Variants in SMAD2 observed in about 807,000 individuals in gnomAD.
SMAD2 encodes the protein MAD homolog 2.
In SMAD2, 8 loss-of-function variants were observed where a neutral mutation model predicts 64.4. The ratio of observed to expected loss-of-function variants is 0.12; its 90% confidence interval spans 0.07 to 0.22. SMAD2 has a LOEUF of 0.22. SMAD2 is among the 10% of genes least tolerant of loss of function. The probability of loss-of-function intolerance (pLI) is 1.00; values close to 1 mark genes in which losing one functional copy is unlikely to be tolerated. For missense variants in SMAD2, 289 were observed against 561.2 expected, an observed-to-expected ratio of 0.51 and a Z score of 4.90; for synonymous variants, 203 against 195.8, an observed-to-expected ratio of 1.04 and a Z score of -0.31.
chr18:47,893,441 GTTC>G (rs1042997040), intron 2 of SMAD2, among the ~76,000 whole-genome samples: 3 of 152,150 alleles, frequency 2.0e-5, no homozygotes, highest in Admixed American at 1.3e-4. Context: ...TTTGTTTCCC[GTTC>G]TTCATCAGCT....
Position 47,903,964 on chromosome 18 carries a change from C to CA in SMAD2, c.-53-7156dup, listed in dbSNP as rs1166970447. On this transcript the variant is annotated intron_variant, in intron 1 of 10. Coordinates refer to ENST00000262160, the MANE Select transcript of SMAD2 (RefSeq NM_005901.6). ...GAGAAAGATGAAAGACAATGGGGAACAAAAAAATGTATGAAGAGATAATGG... is the reference window on the plus strand; with the variant it reads ...GAGAAAGATGAAAGACAATGGGGAACAAAAAAAATGTATGAAGAGATAATGG... Among the ~76,000 whole-genome samples, 4 of 139,194 alleles carry CA rather than the reference C, an allele frequency of 2.9e-5. No homozygotes were observed. In the South Asian group the frequency reaches 6.9e-4, roughly 24 times the overall value. 91.3% of individuals were successfully genotyped at this position (139,194 alleles called of 152,430 possible). A position where few individuals can be genotyped will look rare whatever the true frequency, so the allele number is the denominator to read the frequency against.
At chr18:47,910,300 TA>T (rs2034078054) in intron 1 of SMAD2, among the ~76,000 whole-genome samples, 1 of 152,042 alleles carries the variant, frequency 6.6e-6, no homozygotes, top group African/African-American at 2.4e-5. Flanking sequence ...TCAGTGCTTC[TA>T]AACTAGCTCC....
rs34302955 is a variant in SMAD2, at chr18:47,866,316, C to CAAAAAA, written c.656-1189_656-1184dup. Among the ~76,000 whole-genome samples the CAAAAAA allele has an allele frequency of 7.8e-3, 326 of 42,044 alleles. 16 individuals carry two copies. Among genetic ancestry groups the CAAAAAA allele is most frequent in the African/African-American group, 0.03 (300 of 9,940 alleles). The allele number at this position is 42,044 out of a possible 152,430, so 27.6% of individuals were successfully genotyped here. A position where few individuals can be genotyped will look rare whatever the true frequency, so the allele number is the denominator to read the frequency against. ...GGGCAACAAGAGCAAAACACCGTCT[C>CAAAAAA]AAAAAAAAAAAAAAAAAAAAAAAAA... is the stretch of plus-strand genomic sequence containing the variant. On this transcript the variant is annotated intron_variant, in intron 5 of 10. Coordinates refer to ENST00000262160, the MANE Select transcript of SMAD2 (RefSeq NM_005901.6).
intron 1 of SMAD2, among the ~76,000 whole-genome samples, chr18:47,916,468 G>A (rs1219419304): frequency 6.6e-6 from 1 of 152,164 alleles, no homozygotes; most frequent in African/African-American, 2.4e-5. Context: ...CCAGGCTGGA[G>A]TGCAGTGGCA....
intron 2 of SMAD2, among the ~76,000 whole-genome samples, chr18:47,875,736 T>C (rs906537153): frequency 1.3e-5 from 2 of 152,072 alleles, no homozygotes; most frequent in Admixed American, 6.6e-5. Flanking sequence ...GTGAAAAAAA[T>C]GTGCATCTTA....
intron 2 of SMAD2, among the ~76,000 whole-genome samples, chr18:47,890,854 G>A (rs970485513): frequency 4.6e-5 from 7 of 152,160 alleles, no homozygotes; most frequent in Admixed American, 3.3e-4. Context: ...TACAGTTTGG[G>A]TTCAAAAAGA....
chr18:47,863,663 G>A (rs1053470923), intron 6 of SMAD2, among the ~76,000 whole-genome samples: 6 of 152,206 alleles, frequency 3.9e-5, no homozygotes, highest in Middle Eastern at 3.4e-3. Flanking sequence ...TTCCATTGCA[G>A]AAACATACCT....
At chr18:47,922,765 T>A (rs1318639406) in intron 1 of SMAD2, 1 of 152,178 alleles carries the variant, frequency 6.6e-6, no homozygotes, top group East Asian at 1.9e-4. Flanking sequence ...CTCAAAAAAA[T>A]TAAAATACAT....
At chr18:47,868,217 C>T in intron 5 of SMAD2, 106 bp downstream of exon 5, 1 of 988,270 alleles carries the variant, frequency 1.0e-6, no homozygotes, top group Admixed American at 1.7e-5. Flanking sequence ...ATTAAAAACT[C>T]AAAAGCATTT....
At chr18:47,846,949 T>C (rs908206972) in intron 8 of SMAD2, among the ~76,000 whole-genome samples, 1 of 152,130 alleles carries the variant, frequency 6.6e-6, no homozygotes, top group Non-Finnish European at 1.5e-5. Flanking sequence ...GTTAAGACTA[T>C]GGAATATCTG....
At chr18:47,921,887 G>T (rs562205654) in intron 1 of SMAD2, among the ~76,000 whole-genome samples, 1 of 152,308 alleles carries the variant, frequency 6.6e-6, no homozygotes, top group South Asian at 2.1e-4. Flanking sequence ...ACAGTAAGAA[G>T]AATGGGCCTA....
intron 1 of SMAD2, among the ~76,000 whole-genome samples, chr18:47,899,057 G>A (rs890745305): frequency 1.3e-5 from 2 of 152,006 alleles, no homozygotes; most frequent in African/African-American, 4.8e-5. Context: ...AGTTTTTAAG[G>A]GCAGAGAGAT....
At chr18:47,883,206 G>A (rs977754470) in intron 2 of SMAD2, among the ~76,000 whole-genome samples, 5 of 152,088 alleles carry the variant, frequency 3.3e-5, no homozygotes, top group African/African-American at 1.2e-4. Context: ...TATGTGATAT[G>A]CTGTATTTTC....
At chr18:47,866,619 G>A (rs947077371) in intron 5 of SMAD2, among the ~76,000 whole-genome samples, 1 of 152,092 alleles carries the variant, frequency 6.6e-6, no homozygotes, top group African/African-American at 2.4e-5. Flanking sequence ...TAATCAGAAA[G>A]AAATGCTGAA....
At chr18:47,851,148 T>C in intron 7 of SMAD2, 126 bp downstream of exon 7, 1 of 702,272 alleles carries the variant, frequency 1.4e-6, no homozygotes, top group Non-Finnish European at 2.6e-6. Flanking sequence ...ACCACATACA[T>C]AATTATTTGG....
intron 4 of SMAD2, 133 bp from the exon 5 acceptor site, chr18:47,868,590 C>A: frequency 1.5e-6 from 1 of 680,528 alleles, no homozygotes. Flanking sequence ...TCGATATATA[C>A]TAGTTACTGA....
At chr18:47,874,947 C>T (rs1441851689) in intron 2 of SMAD2, among the ~76,000 whole-genome samples, 1 of 152,054 alleles carries the variant, frequency 6.6e-6, no homozygotes, top group African/African-American at 2.4e-5. Context: ...AAGTCAATGT[C>T]ATCTTGACAC....
intron 1 of SMAD2, among the ~76,000 whole-genome samples, chr18:47,913,146 C>T (rs1370945050): frequency 6.6e-6 from 1 of 152,154 alleles, no homozygotes; most frequent in Non-Finnish European, 1.5e-5. Flanking sequence ...GTCTCAAACT[C>T]CTGACCTCAG....
chr18:47,839,571 G>A lies in SMAD2; in HGVS notation c.*2256C>T, dbSNP rs1442452646. The A allele has an allele frequency of 4.3e-6, 1 of 233,150 alleles. No individual in the cohort carries two copies. Among genetic ancestry groups the A allele is most frequent in the Non-Finnish European group, 8.5e-6 (1 of 117,968 alleles). The allele number at this position is 233,150 out of a possible 1,614,324, so 14.4% of individuals were successfully genotyped here. A position where few individuals can be genotyped will look rare whatever the true frequency, so the allele number is the denominator to read the frequency against. ...TGTTAAATTAAGTAGTACTGATGTG[G>A]TGCAAATGAAATTTTTACAGCAAAG... On this transcript the variant is annotated 3_prime_UTR_variant, in exon 11 of 11. Transcript: ENST00000262160.
Sources: gnomAD v4.1 joint callset for allele counts (sites outside exome capture counted in the v4.1 genomes callset) on GRCh38, gnomAD v4.1.1 for gene constraint, MANE v1.5 for transcripts, NCBI Gene and HGNC (gene_info 2026-07-23, HGNC 2026-07-21) for gene names.